DNAH5: variants seen among roughly 807,000 people sequenced by gnomAD.
The protein encoded by DNAH5 is axonemal beta dynein heavy chain 5.
In DNAH5, 372 loss-of-function variants were observed where a neutral mutation model predicts 518.2. That is an observed-to-expected ratio of 0.72 (90% CI 0.66 to 0.78). The LOEUF (loss-of-function observed/expected upper bound fraction) is 0.78. Ranked by LOEUF, DNAH5 falls within the 30% of genes least tolerant of loss-of-function variation. The pLI is 0.00. For missense variants in DNAH5, 5,523 were observed against 5,687.0 expected, an observed-to-expected ratio of 0.97 and a Z score of 0.93; for synonymous variants, 2,039 against 2,025.9, an observed-to-expected ratio of 1.01 and a Z score of -0.17.
At chr5:13,905,721 T>C (rs1417933980) in intron 12 of DNAH5, among the ~76,000 whole-genome samples, 2 of 152,192 alleles carry the variant, frequency 1.3e-5, no homozygotes, top group African/African-American at 2.4e-5. Context: ...TGATGGATTC[T>C]TATAAAACTA....
At chr5:13,780,734 T>C in intron 53 of DNAH5, 95 bp downstream of exon 53, 1 of 1,386,146 alleles carries the variant, frequency 7.2e-7, no homozygotes. Context: ...ACTGTGACTC[T>C]TTATATGTAA....
intron 1 of DNAH5, among the ~76,000 whole-genome samples, chr5:13,934,710 C>T (rs1288281509): frequency 6.6e-6 from 1 of 152,122 alleles, no homozygotes; most frequent in Non-Finnish European, 1.5e-5. Flanking sequence ...GTTATTGCTA[C>T]ACCTATGTAA....
chr5:13,980,161 T>C (rs1398425913), intron 1 of DNAH5, among the ~76,000 whole-genome samples: 2 of 152,058 alleles, frequency 1.3e-5, no homozygotes, highest in East Asian at 1.9e-4. Context: ...TGAAATGCCT[T>C]CCTCACTCGA....
intron 71 of DNAH5, among the ~76,000 whole-genome samples, chr5:13,719,881 G>A (rs563669526): frequency 4.6e-4 from 70 of 152,056 alleles, no homozygotes; most frequent in Non-Finnish European, 7.9e-4. Flanking sequence ...AAAATAATAA[G>A]CCATATATTT....
intron 65 of DNAH5, among the ~76,000 whole-genome samples, chr5:13,740,297 G>T (rs1265249595): frequency 1.3e-5 from 2 of 151,382 alleles, no homozygotes; most frequent in African/African-American, 4.9e-5. Flanking sequence ...TTACCCCCTG[G>T]TCTACTCCCA....
chr5:13,772,347 C>T (rs541783372), intron 55 of DNAH5, among the ~76,000 whole-genome samples: 3 of 152,290 alleles, frequency 2.0e-5, no homozygotes, highest in South Asian at 2.1e-4. Flanking sequence ...TTATTCTTTA[C>T]GTAGCAAATT....
Position 13,691,751 on chromosome 5 carries a change from G to A in DNAH5, c.*233C>T, listed in dbSNP as rs1561057196. 5.5e-6 allele frequency: 3 copies of A among 542,942 alleles called. No individual in the cohort carries two copies. Among genetic ancestry groups the A allele is most frequent in the Non-Finnish European group, 9.8e-6 (3 of 306,378 alleles). 33.6% of individuals were successfully genotyped at this position (542,942 alleles called of 1,614,324 possible). ...GAGGGCCACACTTCATTAGGATGCT[G>A]TAAATTTACTTTTATATCACTAAAT... is the stretch of plus-strand genomic sequence containing the variant. On this transcript the variant is annotated 3_prime_UTR_variant, in exon 79 of 79. Transcript: ENST00000265104.
intron 75 of DNAH5, among the ~76,000 whole-genome samples, chr5:13,710,068 A>G (rs1456774767): frequency 6.6e-6 from 1 of 151,952 alleles, no homozygotes; most frequent in Non-Finnish European, 1.5e-5. Flanking sequence ...ATTGCACCCC[A>G]CCGCCAACTC....
rs575164873 is a variant in DNAH5 at position 13,820,836 on chromosome 5, A to AC, written c.6688-338_6688-337insG. 1.0e-3 allele frequency among the ~76,000 whole-genome samples: 146 copies of AC among 145,158 alleles called. 1 individual carries two copies. Among genetic ancestry groups the AC allele is most frequent in the Non-Finnish European group, 1.6e-3 (106 of 66,466 alleles). ...CAATACTCCGTCTCAAAAAAAAAAAAAAAAAAAACACATCAATGACAATCT... is the reference window on the plus strand; with the variant it reads ...CAATACTCCGTCTCAAAAAAAAAAAACAAAAAAAACACATCAATGACAATCT... On this transcript the variant is annotated intron_variant, in intron 40 of 78. Transcript: ENST00000265104.
At chr5:13,713,116 T>TAC (rs1743734343) in intron 75 of DNAH5, among the ~76,000 whole-genome samples, 8 of 148,504 alleles carry the variant, frequency 5.4e-5, no homozygotes, top group Admixed American at 2.0e-4. Flanking sequence ...TGTATATATA[T>TAC]ATATATATAC....
At chr5:14,010,457 A>T (rs759475439) in intron 1 of DNAH5, among the ~76,000 whole-genome samples, 9 of 152,194 alleles carry the variant, frequency 5.9e-5, no homozygotes, top group Non-Finnish European at 1.2e-4. Context: ...TTTATGTAAG[A>T]TTGTATTATA....
intron 1 of DNAH5, among the ~76,000 whole-genome samples, chr5:13,939,672 C>T (rs191320537): frequency 2.8e-3 from 421 of 152,268 alleles, no homozygotes; most frequent in Non-Finnish European, 4.5e-3. Flanking sequence ...CTCTAATTGG[C>T]TGGGAGAACC....
chr5:13,911,744 T>C (rs1776022214), intron 11 of DNAH5, among the ~76,000 whole-genome samples: 1 of 152,112 alleles, frequency 6.6e-6, no homozygotes. Context: ...AAAAATGAAA[T>C]AAAAACCACA....
At chr5:13,760,113 G>C (rs1751582226) in intron 60 of DNAH5, among the ~76,000 whole-genome samples, 1 of 152,180 alleles carries the variant, frequency 6.6e-6, no homozygotes, top group Non-Finnish European at 1.5e-5. Context: ...GAAGGAAAAA[G>C]TAAAGTCACC....
intron 58 of DNAH5, among the ~76,000 whole-genome samples, chr5:13,766,540 AT>A (rs1226045408): frequency 6.6e-6 from 1 of 152,170 alleles, no homozygotes; most frequent in African/African-American, 2.4e-5. Flanking sequence ...AAATTACAGT[AT>A]TTGTGGTGCT....
At chr5:13,947,880 A>G (rs930144485), upstream of DNAH5, among the ~76,000 whole-genome samples, 6 of 152,240 alleles carry the variant, frequency 3.9e-5, no homozygotes, top group African/African-American at 1.4e-4. Flanking sequence ...AGCGCTGCAC[A>G]TTTGTCTTCA....
chr5:13,769,677 G>A lies in DNAH5; in HGVS notation c.9606-62C>T, dbSNP rs570070949. ...TGTAGGACTTGGATGCAATTCTCAA[G>A]TACTGGTCCAATAATGAGTGGTAAT... is the stretch of plus-strand genomic sequence containing the variant. On this transcript the variant is annotated intron_variant, in intron 56 of 78. Coordinates refer to ENST00000265104, the MANE Select transcript of DNAH5 (RefSeq NM_001369.3). The A allele has an allele frequency of 2.7e-4, 360 of 1,349,404 alleles. 1 individual carries two copies. In the African/African-American group the frequency reaches 4.3e-3, roughly 16 times the overall value. 83.6% of individuals were successfully genotyped at this position (1,349,404 alleles called of 1,614,324 possible).
In DNAH5 at chr5:13,913,772, C is replaced by G; in HGVS notation, c.1507G>C (p.Gly503Arg). 6.2e-7 allele frequency: 1 copy of G among 1,613,492 alleles called. No homozygotes were observed. Among genetic ancestry groups the G allele is most frequent in the Non-Finnish European group, 8.5e-7 (1 of 1,179,526 alleles). Residue 503 changes from glycine to arginine, a missense_variant, in exon 11 of 79, where the codon GGG becomes CGG. By Grantham distance (125) the Gly-to-Arg change is moderately radical. Transcript: ENST00000265104. ...TATTTAGTGGCCATGTCTTCCAGCC[C>G]TTCAATTGTGGAATCTTGCAGGACT... is the stretch of plus-strand genomic sequence containing the variant. ...YSVLQDSTIE[G>R]LEDMATKYQG... is the part of the protein sequence containing the mutation.
At chr5:13,713,444 T>TATATATATATACATCGAC (rs1561094205) in intron 75 of DNAH5, among the ~76,000 whole-genome samples, 12 of 125,644 alleles carry the variant, frequency 9.6e-5, no homozygotes, top group African/African-American at 3.9e-4. Flanking sequence ...CATATATATA[T>TATATATATATACATCGAC]ATATATATAT....
Sources: gnomAD v4.1 joint callset for allele counts (sites outside exome capture counted in the v4.1 genomes callset) on GRCh38, gnomAD v4.1.1 for gene constraint, MANE v1.5 for transcripts, NCBI Gene and HGNC (gene_info 2026-07-23, HGNC 2026-07-21) for gene names.